ZFHX3: variants seen among roughly 807,000 people sequenced by gnomAD.
ZFHX3 encodes zinc finger homeobox 3.
ZFHX3 carries 42 observed loss-of-function variants against 279.1 expected under a neutral mutation model. The ratio of observed to expected loss-of-function variants is 0.15; its 90% CI spans 0.12 to 0.19. The LOEUF (loss-of-function observed/expected upper bound fraction) is 0.19. ZFHX3 is among the 10% of genes least tolerant of loss of function. The pLI, the probability that ZFHX3 is intolerant of heterozygous loss-of-function variation, is 1.00. For synonymous variants in ZFHX3, 2,293 were observed against 1,957.8 expected, an observed-to-expected ratio of 1.17 and a Z score of -4.52; for missense variants, 4,981 against 4,754.0, an observed-to-expected ratio of 1.05 and a Z score of -1.40.
At chr16:73,096,302 G>A (rs752299370) in intron 7 of ZFHX3, among the ~76,000 whole-genome samples, 4 of 151,566 alleles carry the variant, frequency 2.6e-5, no homozygotes, top group Non-Finnish European at 4.4e-5. Context: ...GGGAGCTCAG[G>A]GGATCTCCCT....
intron 1 of ZFHX3, among the ~76,000 whole-genome samples, chr16:73,058,035 TC>T (rs1168347069): frequency 1.4e-5 from 2 of 138,480 alleles, no homozygotes; most frequent in Non-Finnish European, 3.2e-5. Flanking sequence ...CCCCCCATAC[TC>T]CCCCCACCGC....
At position 72,958,837 on chromosome 16, in the gene ZFHX3, C is replaced by T; in HGVS notation, c.1309G>A (p.Gly437Arg). The T allele has an allele frequency of 6.2e-7, 1 of 1,614,082 alleles. No individual in the cohort carries two copies. The highest frequency in any genetic ancestry group is 8.5e-7 in the Non-Finnish European group (1 of 1,180,008). The change falls in exon 2 of 10, where the codon GGG becomes AGG. Residue 437 changes from glycine to arginine, a missense_variant. Gly to Arg is a moderately radical substitution (Grantham distance 125). Around this residue, in one of 7 missense-constraint regions of ZFHX3, gnomAD observed 1,068 missense variants for 935.2 expected, o/e 1.14. Transcript: ENST00000268489. The stretch of plus-strand genomic sequence containing the variant: ...TCCTGCTTCTCTCCTTCTGCCGCCC[C>T]AGAGTCCTTGCCCTCTGAGGATTTG... ...PTKSSEGKDSGAAEGEKQEVG... is the reference protein window; with the variant it reads ...PTKSSEGKDSRAAEGEKQEVG...
At chr16:73,452,616 A>C (rs1394677274) in intron 3 of ZFHX3, among the ~76,000 whole-genome samples, 1 of 152,102 alleles carries the variant, frequency 6.6e-6, no homozygotes, top group Non-Finnish European at 1.5e-5. Context: ...ATTTCTTGCA[A>C]ATGGTGACCC....
intron 5 of ZFHX3, among the ~76,000 whole-genome samples, chr16:73,249,426 A>C (rs974162613): frequency 1.3e-5 from 2 of 152,216 alleles, no homozygotes; most frequent in African/African-American, 2.4e-5. Context: ...GAGGCCTTAC[A>C]ATCACGGCAG....
chr16:73,631,923 TCTCTCACACACA>T (rs2052474161), intron 2 of ZFHX3, among the ~76,000 whole-genome samples: 1 of 101,908 alleles, frequency 9.8e-6, no homozygotes, highest in African/African-American at 3.3e-5. Flanking sequence ...TCTCTCTCTC[TCTCTCACACACA>T]CACACACACA....
At position 73,290,132 on chromosome 16, in the gene ZFHX3, C is replaced by T. The variant is rs192640798; in HGVS notation, c.-1194+28108G>A. The stretch of plus-strand genomic sequence containing the variant: ...TTTCAAACAGTATTCATTGAGTGCT[C>T]GCCATATTCCCCAGTGCTAGGCACA... On this transcript the variant is annotated intron_variant, in intron 4 of 17. Transcript: ENST00000641206. 5.9e-5 allele frequency among the ~76,000 whole-genome samples: 9 copies of T among 152,196 alleles called. No homozygotes were observed. The East Asian group carries it at 9.7e-4, about 16-fold the overall frequency.
chr16:72,798,664 G>C lies in ZFHX3; in HGVS notation c.4018C>G (p.Gln1340Glu), dbSNP rs752226807. 58 of 1,608,132 alleles carry C rather than the reference G, an allele frequency of 3.6e-5. No individual in the cohort carries two copies. The highest frequency in any genetic ancestry group is 4.8e-5 in the Non-Finnish European group (56 of 1,177,376). ...KNILPSASTEQSGDLKPSPAD... is the reference protein window; with the variant it reads ...KNILPSASTEESGDLKPSPAD... Reference sequence around the variant, plus strand: ...GGGGATGGTTTCAAATCTCCGCTTTGCTCTGTGCTTGCGGATGGCAAGATG... The same window carrying C: ...GGGGATGGTTTCAAATCTCCGCTTTCCTCTGTGCTTGCGGATGGCAAGATG... Residue 1340 changes from glutamine to glutamate, a missense_variant, in exon 9 of 10, where the codon CAA becomes GAA. Gln to Glu is a conservative substitution (Grantham distance 29). Around this residue, in one of 7 missense-constraint regions of ZFHX3, gnomAD observed 1,751 missense variants for 1,770.0 expected, o/e 0.99. Coordinates refer to ENST00000268489, the MANE Select transcript of ZFHX3 (RefSeq NM_006885.4).
chr16:73,218,221 C>A (rs2144917439), intron 5 of ZFHX3, among the ~76,000 whole-genome samples: 1 of 152,222 alleles, frequency 6.6e-6, no homozygotes, highest in Non-Finnish European at 1.5e-5. Flanking sequence ...TGTGTCACAA[C>A]CATGCCTAAA....
At chr16:73,750,516 T>C (rs980256928) in intron 1 of ZFHX3, among the ~76,000 whole-genome samples, 4 of 152,170 alleles carry the variant, frequency 2.6e-5, no homozygotes, top group Admixed American at 2.6e-4. Context: ...AATAACACAA[T>C]GAGGCACTGG....
chr16:73,587,136 G>T (rs1173472058), intron 2 of ZFHX3, among the ~76,000 whole-genome samples: 3 of 152,166 alleles, frequency 2.0e-5, no homozygotes, highest in Non-Finnish European at 4.4e-5. Context: ...GCTCTCAAAG[G>T]CCTGGGAGAG....
chr16:73,704,240 G>T (rs575542682), intron 1 of ZFHX3, among the ~76,000 whole-genome samples: 1 of 151,976 alleles, frequency 6.6e-6, no homozygotes, highest in Non-Finnish European at 1.5e-5. Context: ...AACATCCACC[G>T]TTATTAAGTG....
At chr16:73,299,137 A>G (rs2014994918) in intron 4 of ZFHX3, among the ~76,000 whole-genome samples, 1 of 152,320 alleles carries the variant, frequency 6.6e-6, no homozygotes, top group South Asian at 2.1e-4. Flanking sequence ...AGTCACATAC[A>G]GCATCTGAGC....
chr16:73,438,825 CTACCTACCT>C (rs2018038888), intron 3 of ZFHX3, among the ~76,000 whole-genome samples: 1 of 152,142 alleles, frequency 6.6e-6, no homozygotes, highest in Admixed American at 6.6e-5. Flanking sequence ...TGGAAACTTC[CTACCTACCT>C]AGAGAGTGAC....
rs561226704 is a variant in ZFHX3, at chr16:73,816,782, G to A, written c.-1608+74869C>T. On this transcript the variant is annotated intron_variant, in intron 1 of 17. Transcript: ENST00000641206. ...ACCAGACTGGATGGTTTGAAGTAAC[G>A]AAGATGAACTGGATTGAGAGTAGGC... Among the ~76,000 whole-genome samples the A allele has an allele frequency of 9.2e-5, 14 of 152,282 alleles. No homozygotes were observed. In the South Asian group the frequency reaches 2.3e-3, roughly 25 times the overall value.
intron 2 of ZFHX3, among the ~76,000 whole-genome samples, chr16:73,529,804 T>G (rs1415465122): frequency 6.6e-6 from 1 of 152,214 alleles, no homozygotes; most frequent in Non-Finnish European, 1.5e-5. Flanking sequence ...TCCCAACTGA[T>G]GCACCTGTTT....
At chr16:73,111,097 C>T (rs775304735) in intron 7 of ZFHX3, among the ~76,000 whole-genome samples, 41 of 152,020 alleles carry the variant, frequency 2.7e-4, no homozygotes, top group Non-Finnish European at 2.9e-4. Flanking sequence ...CGCACCACCA[C>T]GCCCGGCTAA....
rs746968715 is a variant in ZFHX3 at position 72,793,724 on chromosome 16, T to C, written c.8958A>G (p.Pro2986=). The C allele has an allele frequency of 6.2e-7, 1 of 1,614,060 alleles. No individual in the cohort carries two copies. Among genetic ancestry groups the C allele is most frequent in the African/African-American group, 1.3e-5 (1 of 74,928 alleles). ...GGAACCAGACCTGAACGACTCTCTT[T>C]GGCAGTCCAATGTCATTGCCCAGGA... ...CEVLGNDIGL[P]KRVVQVWFQN... is the part of the protein sequence containing the mutation. Residue 2986 remains proline (P), a synonymous_variant, in exon 9 of 10, where the codon CCA becomes CCG. Coordinates refer to ENST00000268489, the MANE Select transcript of ZFHX3 (RefSeq NM_006885.4). This position sits in a 1 kb window ranked among gnomAD's most constrained non-coding sequence, Gnocchi z 4.3.
chr16:72,870,003 G>A (rs2143949949), intron 4 of ZFHX3, among the ~76,000 whole-genome samples: 1 of 152,228 alleles, frequency 6.6e-6, no homozygotes, highest in South Asian at 2.1e-4. Flanking sequence ...TAATCATAAG[G>A]AAGCATCACA....
At chr16:73,309,906 C>CTTTTTTTTTTTTTTTTT (rs57812149) in intron 4 of ZFHX3, among the ~76,000 whole-genome samples, 1 of 114,406 alleles carries the variant, frequency 8.7e-6, no homozygotes. Context: ...TTTTTCTTGC[C>CTTTTTTTTTTTTTTTTT]TTTTTTTTTT....
Sources: allele counts gnomAD v4.1 joint callset (sites outside exome capture counted in the v4.1 genomes callset), GRCh38; gene constraint gnomAD v4.1.1; regional missense constraint gnomAD v4.1.1; non-coding constraint Gnocchi (gnomAD v3.1); transcripts MANE v1.5; gene names NCBI Gene and HGNC (gene_info 2026-07-23, HGNC 2026-07-21).